CECR2: variants seen among roughly 807,000 people sequenced by gnomAD.
CECR2 encodes CECR2 histone acetyl-lysine reader.
CECR2 carries 30 observed loss-of-function variants against 154.5 expected under a neutral mutation model. That is an observed-to-expected ratio of 0.19 (90% confidence interval 0.15 to 0.26). CECR2 has a LOEUF of 0.26. CECR2 is among the 10% of genes least tolerant of loss of function. The probability of loss-of-function intolerance (pLI) is 1.00; values close to 1 mark genes in which losing one functional copy is unlikely to be tolerated. For synonymous variants in CECR2, 725 were observed against 683.7 expected, an observed-to-expected ratio of 1.06 and a Z score of -0.94; for missense variants, 1,743 against 1,829.3, an observed-to-expected ratio of 0.95 and a Z score of 0.86.
intron 9 of CECR2, among the ~76,000 whole-genome samples, chr22:17,532,360 G>C (rs1026627875): frequency 6.6e-6 from 1 of 152,172 alleles, no homozygotes; most frequent in Admixed American, 6.6e-5. Flanking sequence ...GTGAGAGTCT[G>C]TGGCCTTTCC....
chr22:17,384,504 C>A (rs1383182372), intron 1 of CECR2, among the ~76,000 whole-genome samples: 1 of 152,172 alleles, frequency 6.6e-6, no homozygotes, highest in Non-Finnish European at 1.5e-5. Context: ...TTGTATATCT[C>A]CATCAGAGCT....
At chr22:17,521,425 A>G (rs912023958) in intron 8 of CECR2, among the ~76,000 whole-genome samples, 6 of 152,008 alleles carry the variant, frequency 3.9e-5, no homozygotes, top group African/African-American at 1.4e-4. Context: ...CTGTAGTCCC[A>G]GCTACTCAGG....
Position 17,542,691 on chromosome 22 carries a change from C to A in CECR2, c.2548C>A (p.Arg850=), listed in dbSNP as rs768608640. ...MRPPCKSAGH[R]LQPPPVPAPS... is the part of the protein sequence containing the mutation. ...ACCGCCCTGCAAGTCTGCCGGACAT[C>A]GGTTACAGCCACCTCCAGTGCCAGC... Residue 850 remains arginine (R), a synonymous_variant, in exon 16 of 19, where the codon CGG becomes AGG. Transcript: ENST00000262608. 6.2e-7 allele frequency: 1 copy of A among 1,614,040 alleles called. No homozygotes were observed. Among genetic ancestry groups the A allele is most frequent in the Non-Finnish European group, 8.5e-7 (1 of 1,179,912 alleles).
chr22:17,531,321 A>G (rs2056352022), intron 9 of CECR2, among the ~76,000 whole-genome samples: 1 of 152,232 alleles, frequency 6.6e-6, no homozygotes, highest in South Asian at 2.1e-4. Flanking sequence ...CCCGCTGCCA[A>G]GTGCGGCTTC....
chr22:17,534,579 C>A (rs1021174018), intron 9 of CECR2, among the ~76,000 whole-genome samples: 2 of 151,834 alleles, frequency 1.3e-5, no homozygotes, highest in African/African-American at 4.8e-5. Context: ...ACAATCTCAG[C>A]TCACTGCAAG....
chr22:17,518,733 TC>T, intron 8 of CECR2: 1 of 408,024 alleles, frequency 2.5e-6, no homozygotes, highest in African/African-American at 2.1e-5. Flanking sequence ...AGGATCCTGC[TC>T]CCTTCTTAAC....
chr22:17,486,604 G>A (rs910460195), intron 2 of CECR2, among the ~76,000 whole-genome samples: 3 of 152,286 alleles, frequency 2.0e-5, no homozygotes, highest in Admixed American at 6.5e-5. Flanking sequence ...CTACAGCTGT[G>A]CATTCTCCCC....
intron 1 of CECR2, among the ~76,000 whole-genome samples, chr22:17,379,285 C>T (rs940031701): frequency 7.2e-5 from 11 of 152,040 alleles, no homozygotes; most frequent in African/African-American, 1.9e-4. Context: ...TTTCCTAGAA[C>T]GTCATTTAAG....
intron 1 of CECR2, among the ~76,000 whole-genome samples, chr22:17,373,830 A>G (rs1015585687): frequency 6.6e-6 from 1 of 152,224 alleles, no homozygotes. Context: ...ATCTGTTAAT[A>G]TTTCAGAACC....
intron 1 of CECR2, among the ~76,000 whole-genome samples, chr22:17,439,171 T>A (rs1374790690): frequency 1.5e-5 from 2 of 129,186 alleles, no homozygotes; most frequent in Non-Finnish European, 3.1e-5. Context: ...ACACTCCCTT[T>A]TTTTTTTTTT....
intron 1 of CECR2, among the ~76,000 whole-genome samples, chr22:17,456,383 C>G (rs2054854751): frequency 6.6e-6 from 1 of 151,978 alleles, no homozygotes; most frequent in African/African-American, 2.4e-5. Context: ...GGTGAAAAGG[C>G]AATATAGAAC....
chr22:17,543,052 A>C (rs1211968941), intron 16 of CECR2, 49 bp downstream of exon 16: 2 of 1,532,526 alleles, frequency 1.3e-6, no homozygotes, highest in Non-Finnish European at 8.8e-7. Flanking sequence ...TTTCATGAGT[A>C]ATCTTTTTAC....
chr22:17,389,708 A>C (rs1047666400), intron 1 of CECR2, among the ~76,000 whole-genome samples: 2 of 151,776 alleles, frequency 1.3e-5, no homozygotes, highest in African/African-American at 4.8e-5. Context: ...GCTCACTGCA[A>C]CCTCCGCCTC....
intron 7 of CECR2, among the ~76,000 whole-genome samples, chr22:17,508,386 A>G (rs1459279442): frequency 6.6e-6 from 1 of 151,668 alleles, no homozygotes; most frequent in Admixed American, 6.6e-5. Context: ...TCGGTGTGTC[A>G]GTTCTTAAAT....
chr22:17,423,447 C>G (rs2054286518), intron 1 of CECR2, among the ~76,000 whole-genome samples: 1 of 151,748 alleles, frequency 6.6e-6, no homozygotes, highest in South Asian at 2.1e-4. Context: ...GTGGAAGCTG[C>G]AGTGAGCCAA....
chr22:17,448,884 A>AT (rs1239874656), intron 1 of CECR2, among the ~76,000 whole-genome samples: 26 of 148,228 alleles, frequency 1.8e-4, no homozygotes, highest in South Asian at 1.1e-3. Flanking sequence ...TTTATTATTT[A>AT]TTTATTTTTT....
intron 1 of CECR2, chr22:17,419,007 G>GC (rs1234118974): frequency 5.8e-6 from 1 of 173,348 alleles, no homozygotes; most frequent in Non-Finnish European, 1.3e-5. Context: ...CGGAGACAAA[G>GC]CCCGGGGCCC....
chr22:17,465,845 C>T (rs1041214835), intron 1 of CECR2, among the ~76,000 whole-genome samples: 9 of 152,040 alleles, frequency 5.9e-5, no homozygotes, highest in Admixed American at 2.0e-4. Context: ...TCTTGAACTC[C>T]TGTCCTCAAG....
At position 17,537,194 on chromosome 22, in the gene CECR2, C is replaced by T; in HGVS notation, c.1200C>T (p.Pro400=). Residue 400 remains proline (P), a synonymous_variant, in exon 10 of 19, where the codon CCC becomes CCT. Coordinates refer to ENST00000262608, the MANE Select transcript of CECR2 (RefSeq NM_001290047.2). ...CTCCAGAACTTTCCCATCTGGACCC[C>T]AATTCCCCCATGAGAGAGGAAAAAA... ...ELPPELSHLD[P]NSPMREEKKT... The T allele has an allele frequency of 5.0e-6, 8 of 1,613,954 alleles. No individual in the cohort carries two copies. Among genetic ancestry groups the T allele is most frequent in the Non-Finnish European group, 6.8e-6 (8 of 1,179,862 alleles).
Sources: gnomAD v4.1 joint callset for allele counts (sites outside exome capture counted in the v4.1 genomes callset) on GRCh38, gnomAD v4.1.1 for gene constraint, MANE v1.5 for transcripts, NCBI Gene and HGNC (gene_info 2026-07-23, HGNC 2026-07-21) for gene names.